Variants in MAP4 observed in about 807,000 individuals in gnomAD.
The protein encoded by MAP4 is microtubule associated protein 4, also known as microtubule-associated protein 4.
In MAP4, 76 loss-of-function variants were observed where a neutral mutation model predicts 170.2. The ratio of observed to expected loss-of-function variants is 0.45; its 90% CI spans 0.37 to 0.54. The LOEUF is 0.54. Ranked by LOEUF, MAP4 falls within the 20% of genes least tolerant of loss-of-function variation. The probability of loss-of-function intolerance (pLI) is 0.00; values close to 1 mark genes in which losing one functional copy is unlikely to be tolerated. For synonymous variants in MAP4, 909 were observed against 994.5 expected (o/e 0.91, Z 1.62); for missense variants, 2,506 against 2,748.0 (o/e 0.91, Z 1.97).
intron 17 of MAP4, 114 bp from the exon 18 acceptor site, chr3:47,857,626 C>T (rs2058839695): frequency 1.4e-6 from 1 of 720,284 alleles, no homozygotes; most frequent in Admixed American, 2.2e-5. Flanking sequence ...CCTCTGTAAG[C>T]TGCTATCTCA....
chr3:48,002,424 C>T (rs537692331), intron 1 of MAP4, among the ~76,000 whole-genome samples: 2 of 151,776 alleles, frequency 1.3e-5, no homozygotes, highest in South Asian at 2.1e-4. Flanking sequence ...TAGCTGGGTA[C>T]GGTGGCATAC....
At chr3:47,945,492 T>C (rs974728473) in intron 3 of MAP4, among the ~76,000 whole-genome samples, 1 of 151,994 alleles carries the variant, frequency 6.6e-6, no homozygotes, top group African/African-American at 2.4e-5. Flanking sequence ...CCCAGCACCA[T>C]GTATCTGGCC....
At chr3:48,049,049 C>T (rs2100126129) in intron 1 of MAP4, among the ~76,000 whole-genome samples, 1 of 143,292 alleles carries the variant, frequency 7.0e-6, no homozygotes, top group South Asian at 2.1e-4. Flanking sequence ...TAAGCTTTTC[C>T]ACTAAGCACA....
intron 3 of MAP4, among the ~76,000 whole-genome samples, chr3:47,952,055 G>A (rs1335401055): frequency 5.5e-5 from 8 of 145,068 alleles, no homozygotes; most frequent in East Asian, 2.1e-4. Context: ...CCGTCTGGGA[G>A]GTGAGGAGCG....
intron 17 of MAP4, among the ~76,000 whole-genome samples, chr3:47,858,639 T>C (rs1213691955): frequency 3.3e-5 from 5 of 151,606 alleles, no homozygotes; most frequent in Non-Finnish European, 5.9e-5. Flanking sequence ...TGTGTGTGTG[T>C]GTGTGTAATC....
chr3:47,927,767 A>T (rs988000313), intron 4 of MAP4, among the ~76,000 whole-genome samples: 2 of 152,024 alleles, frequency 1.3e-5, no homozygotes, highest in Non-Finnish European at 2.9e-5. Context: ...AACCCACCGC[A>T]CCTGGTCTGT....
chr3:47,933,696 A>AT (rs1387735872), intron 3 of MAP4, among the ~76,000 whole-genome samples: 4 of 150,642 alleles, frequency 2.7e-5, no homozygotes, highest in Non-Finnish European at 5.9e-5. Flanking sequence ...CGCCTCCCAG[A>AT]TTCACGCCAT....
chr3:47,862,185 G>C (rs1027024787), intron 17 of MAP4, among the ~76,000 whole-genome samples: 5 of 146,480 alleles, frequency 3.4e-5, no homozygotes, highest in Non-Finnish European at 6.0e-5. Context: ...AAAAAACCTA[G>C]GTAGCCCACA....
chr3:47,863,871 C>T (rs1306468027), intron 17 of MAP4, among the ~76,000 whole-genome samples: 1 of 147,982 alleles, frequency 6.8e-6, no homozygotes, highest in Non-Finnish European at 1.5e-5. Flanking sequence ...TTTGGAGCCT[C>T]TCATCCCTGT....
intron 1 of MAP4, among the ~76,000 whole-genome samples, chr3:48,036,211 C>T (rs4392441): frequency 0.63 from 95,324 of 151,992 alleles, 30,621 homozygotes; most frequent in East Asian, 0.73. Flanking sequence ...GATCATTCAA[C>T]AGACTGAAAA....
intron 17 of MAP4, among the ~76,000 whole-genome samples, chr3:47,866,885 C>T (rs1379049770): frequency 3.3e-5 from 5 of 152,160 alleles, no homozygotes; most frequent in African/African-American, 4.8e-5. Context: ...CACGGTAATT[C>T]AAGGGCATGC....
rs200022292 is a variant in MAP4, at chr3:48,036,641, C to T, written c.-19-37762G>A. On this transcript the variant is annotated intron_variant, in intron 1 of 18. Transcript: ENST00000360240. ...GGCTGTTCTTTCTATGTAAACAGTA[C>T]CAGTCTCTGAGCTAAAACACTTAAG... Among the ~76,000 whole-genome samples, 4 of 152,256 alleles carry T rather than the reference C, an allele frequency of 2.6e-5. No individual in the cohort carries two copies. In the East Asian group the frequency reaches 7.7e-4, roughly 29 times the overall value.
intron 9 of MAP4, among the ~76,000 whole-genome samples, chr3:47,905,694 A>T (rs201313786): frequency 0.39 from 58,006 of 148,958 alleles, 12,423 homozygotes; most frequent in African/African-American, 0.59. Context: ...AGAAGTCACT[A>T]AAAAAAAAAT....
chr3:47,909,999 G>A lies in MAP4; in HGVS notation c.4422C>T (p.Ser1474=), dbSNP rs762919417. Residue 1474 remains serine, a synonymous_variant, in exon 9 of 21, where the codon TCC becomes TCT. Transcript: ENST00000683076. ...NGQEIAPAQI[S]KSLMVDNYTK... is the part of the protein sequence containing the mutation. ...TGTAGTTATCTACCATTAATGATTT[G>A]GAAATCTGGGCTGGGGCTATCTCTT... 1 of 1,613,952 alleles carries A rather than the reference G, an allele frequency of 6.2e-7. No individual in the cohort carries two copies. Among genetic ancestry groups the A allele is most frequent in the East Asian group, 2.2e-5 (1 of 44,880 alleles).
At chr3:47,876,077 A>T (rs575685797) in intron 11 of MAP4, among the ~76,000 whole-genome samples, 177 bp from the exon 12 acceptor site, 1 of 152,144 alleles carries the variant, frequency 6.6e-6, no homozygotes, top group Middle Eastern at 3.4e-3. Context: ...TCAATAAATA[A>T]TGGAATGAAA....
At chr3:48,081,246 C>T (rs1441906828) in intron 1 of MAP4, among the ~76,000 whole-genome samples, 4 of 151,846 alleles carry the variant, frequency 2.6e-5, no homozygotes, top group East Asian at 1.9e-4. Flanking sequence ...GCCGAGATTG[C>T]GCCACTGAAC....
chr3:47,900,999 T>A (rs1292811938), intron 10 of MAP4, among the ~76,000 whole-genome samples: 6 of 152,196 alleles, frequency 3.9e-5, no homozygotes, highest in Non-Finnish European at 5.9e-5. Context: ...TTAACAGATG[T>A]CCCTGTTTCC....
At chr3:48,088,443 C>T (rs2100150538) in intron 1 of MAP4, among the ~76,000 whole-genome samples, 1 of 152,154 alleles carries the variant, frequency 6.6e-6, no homozygotes, top group Non-Finnish European at 1.5e-5. Context: ...CTGCGGCCGA[C>T]CCTCGCTCCG....
chr3:47,855,229 C>A lies in MAP4; in HGVS notation c.6696+19G>T, dbSNP rs1430261383. Reference sequence around the variant, plus strand: ...CCCACCCCTCCCCAGCTGTGTCTCCCCAGTGACCCACTCGCTACCTTCACA... The same window carrying A: ...CCCACCCCTCCCCAGCTGTGTCTCCACAGTGACCCACTCGCTACCTTCACA... On this transcript the variant is annotated intron_variant, in intron 19 of 20. Coordinates refer to ENST00000683076, the MANE Select transcript of MAP4 (RefSeq NM_001385682.1). The surrounding 1 kb of genome is among the most constrained non-coding windows in gnomAD (Gnocchi z 5.1). 2.5e-6 allele frequency: 4 copies of A among 1,577,336 alleles called. No homozygotes were observed. The Admixed American group carries it at 6.7e-5, about 26-fold the overall frequency.
Sources: gnomAD v4.1 joint callset for allele counts (sites outside exome capture counted in the v4.1 genomes callset) on GRCh38, gnomAD v4.1.1 for gene constraint, Gnocchi (gnomAD v3.1) non-coding constraint, MANE v1.5 for transcripts, NCBI Gene and HGNC (gene_info 2026-07-23, HGNC 2026-07-21) for gene names.